UBQLN1: variants seen among roughly 807,000 people sequenced by gnomAD.
The protein encoded by UBQLN1 is ubiquilin 1, also known as ubiquilin-1.
UBQLN1 carries 13 observed loss-of-function variants against 65.4 expected under a neutral mutation model. The observed-to-expected ratio is 0.20, with a 90% CI of 0.13 to 0.32. The LOEUF (loss-of-function observed/expected upper bound fraction) is 0.32, where lower values mean the gene tolerates loss of function less well. UBQLN1 is among the 10% of genes least tolerant of loss of function. UBQLN1 has a pLI of 1.00. For missense variants in UBQLN1, 561 were observed against 724.0 expected (o/e 0.77, Z 2.58); for synonymous variants, 267 against 247.8 (o/e 1.08, Z -0.73).
At chr9:83,663,639 G>A (rs1308854938) in intron 10 of UBQLN1, among the ~76,000 whole-genome samples, 1 of 152,048 alleles carries the variant, frequency 6.6e-6, no homozygotes, top group African/African-American at 2.4e-5. Flanking sequence ...AAGACTTTAG[G>A]TTGTAGCATG....
chr9:83,668,283 TA>T, intron 7 of UBQLN1: 1 of 984,624 alleles, frequency 1.0e-6, no homozygotes, highest in Non-Finnish European at 1.2e-6. Context: ...TTTTAGAATT[TA>T]GAAAATAAAA....
At chr9:83,663,627 A>G (rs1484711731) in intron 10 of UBQLN1, among the ~76,000 whole-genome samples, 3 of 152,208 alleles carry the variant, frequency 2.0e-5, no homozygotes, top group African/African-American at 7.2e-5. Flanking sequence ...TTTCTAAAAA[A>G]TAAGACTTTA....
chr9:83,665,139 T>G lies in UBQLN1; in HGVS notation c.1339A>C (p.Asn447His). ...QLPTFLQQMQ[N>H]PDTLSAMSNP... ...GACATTGCTGATAGTGTATCAGGAT[T>G]CTGCATCTAAGGAAGAAAGAAAACT... The change falls in exon 9 of 11, where the codon AAT (asparagine) becomes CAT (histidine). Residue 447 changes from asparagine to histidine, a missense_variant. Coordinates refer to ENST00000376395, the MANE Select transcript of UBQLN1 (RefSeq NM_013438.5). The G allele has an allele frequency of 6.2e-7, 1 of 1,603,276 alleles. No individual in the cohort carries two copies. Among genetic ancestry groups the G allele is most frequent in the Non-Finnish European group, 8.5e-7 (1 of 1,176,326 alleles).
chr9:83,678,664 T>C, intron 4 of UBQLN1, 65 bp from the exon 5 acceptor site: 1 of 1,490,440 alleles, frequency 6.7e-7, no homozygotes, highest in Non-Finnish European at 9.1e-7. Context: ...ATTACATTAA[T>C]TACTTTATTA....
chr9:83,707,732 A>T lies in UBQLN1; in HGVS notation c.-53T>A. The T allele has an allele frequency of 6.7e-7, 1 of 1,502,042 alleles. No homozygotes were observed. The highest frequency in any genetic ancestry group is 1.4e-5 in the African/African-American group (1 of 69,840). 93.0% of individuals were successfully genotyped at this position (1,502,042 alleles called of 1,614,324 possible). On this transcript the variant is annotated 5_prime_UTR_variant, in exon 1 of 11. Transcript: ENST00000376395. ...TCAGGCAAGCAGGAGGGAGCAGGCG[A>T]GCAAGGAGGAGCCAGCAGACACCAG...
intron 9 of UBQLN1, among the ~76,000 whole-genome samples, 195 bp from the exon 10 acceptor site, chr9:83,664,238 A>G (rs1164841907): frequency 6.6e-6 from 1 of 152,094 alleles, no homozygotes; most frequent in African/African-American, 2.4e-5. Flanking sequence ...AACATTGTTG[A>G]GACTTCATCT....
At chr9:83,688,305 C>T (rs1030000902) in intron 1 of UBQLN1, among the ~76,000 whole-genome samples, 3 of 152,078 alleles carry the variant, frequency 2.0e-5, no homozygotes, top group African/African-American at 7.2e-5. Flanking sequence ...TCTCCCTTCC[C>T]CTCACACTGA....
At chr9:83,692,029 T>C (rs1424058908) in intron 1 of UBQLN1, among the ~76,000 whole-genome samples, 1 of 152,204 alleles carries the variant, frequency 6.6e-6, no homozygotes, top group Non-Finnish European at 1.5e-5. Context: ...AATTGATTTG[T>C]TCTGAGTAAA....
At chr9:83,679,176 G>A (rs1055000063) in intron 4 of UBQLN1, among the ~76,000 whole-genome samples, 3 of 152,318 alleles carry the variant, frequency 2.0e-5, no homozygotes, top group South Asian at 4.1e-4. Context: ...CAGTCAACGT[G>A]AGTCACTGTA....
chr9:83,700,574 C>A (rs1381693728), intron 1 of UBQLN1, among the ~76,000 whole-genome samples: 1 of 152,116 alleles, frequency 6.6e-6, no homozygotes, highest in African/African-American at 2.4e-5. Flanking sequence ...AGAAATCCAA[C>A]AGGGGATCCC....
At chr9:83,696,065 C>T (rs1832210002) in intron 1 of UBQLN1, among the ~76,000 whole-genome samples, 1 of 152,158 alleles carries the variant, frequency 6.6e-6, no homozygotes, top group South Asian at 2.1e-4. Context: ...TCAGCCTCTC[C>T]AGTAGCTGGG....
chr9:83,664,023 G>A lies in UBQLN1; in HGVS notation c.1469C>T (p.Ala490Val), dbSNP rs750901797. Reference sequence around the variant, plus strand: ...CGAAGAGCCTCCAGTGCTTCCTAATGCCCCCAAGCCAGGAGTAAACCTACA... The same window carrying A: ...CGAAGAGCCTCCAGTGCTTCCTAATACCCCCAAGCCAGGAGTAAACCTACA... ...LIPGFTPGLG[A>V]LGSTGGSSGT... Residue 490 changes from alanine (A) to valine (V), a missense_variant, in exon 10 of 11, where the codon GCA becomes GTA. Transcript: ENST00000376395. 2 of 1,613,686 alleles carry A rather than the reference G, an allele frequency of 1.2e-6. No individual in the cohort carries two copies. Among genetic ancestry groups the A allele is most frequent in the Non-Finnish European group, 8.5e-7 (1 of 1,179,844 alleles).
chr9:83,700,461 TA>T (rs1468421611), intron 1 of UBQLN1, among the ~76,000 whole-genome samples: 1 of 152,220 alleles, frequency 6.6e-6, no homozygotes, highest in Non-Finnish European at 1.5e-5. Flanking sequence ...TAGGCTCTGG[TA>T]ACACAATGGT....
chr9:83,680,128 G>T, intron 3 of UBQLN1, 91 bp from the exon 4 acceptor site: 1 of 1,311,228 alleles, frequency 7.6e-7, no homozygotes, highest in Admixed American at 2.5e-5. Context: ...AAAAGTATTA[G>T]CTGACCCAAT....
Position 83,660,224 on chromosome 9 carries a change from C to T in UBQLN1, c.*1563G>A, listed in dbSNP as rs914802198. 2.6e-5 allele frequency: 4 copies of T among 152,592 alleles called. No homozygotes were observed. 9.5% of individuals were successfully genotyped at this position (152,592 alleles called of 1,614,324 possible). On this transcript the variant is annotated 3_prime_UTR_variant, in exon 11 of 11. Coordinates refer to ENST00000376395, the MANE Select transcript of UBQLN1 (RefSeq NM_013438.5). ...GTGCAAGGACTGGTGGGTAACCTGG[C>T]CTCTTAACCTTTTTAATAGCAAGCA... is the stretch of plus-strand genomic sequence containing the variant.
At position 83,707,608 on chromosome 9, in the gene UBQLN1, G is replaced by A. The variant is rs773702528; in HGVS notation, c.72C>T (p.Gly24=). Residue 24 remains glycine, a synonymous_variant, in exon 1 of 11, where the codon GGC becomes GGT. Transcript: ENST00000376395. ...CCGCGGAGGCAGCGGCCGCGGGGGCGCCAGCACCTTCGGCTCCGGCGGCGC... is the reference window on the plus strand; with the variant it reads ...CCGCGGAGGCAGCGGCCGCGGGGGCACCAGCACCTTCGGCTCCGGCGGCGC... ...QDSAAGAEGA[G]APAAAASAEP... 23 of 1,595,818 alleles carry A rather than the reference G, an allele frequency of 1.4e-5. No individual in the cohort carries two copies. The highest frequency in any genetic ancestry group is 1.9e-5 in the Non-Finnish European group (22 of 1,171,942).
At chr9:83,695,008 T>C (rs1832186069) in intron 1 of UBQLN1, among the ~76,000 whole-genome samples, 1 of 152,202 alleles carries the variant, frequency 6.6e-6, no homozygotes, top group South Asian at 2.1e-4. Flanking sequence ...TCTAATGAGC[T>C]AGTTCTATAT....
At position 83,682,289 on chromosome 9, in the gene UBQLN1, A is replaced by T. The variant is rs557868266; in HGVS notation, c.448+662T>A. Among the ~76,000 whole-genome samples the T allele has an allele frequency of 8.6e-3, 1,296 of 150,008 alleles. 12 individuals are homozygous for T. Among genetic ancestry groups the T allele is most frequent in the Admixed American group, 0.02 (306 of 15,062 alleles). Reference sequence around the variant, plus strand: ...GACAGAGCAAGACTCTGTCTCAAAAAATATATATATATATATTCCACAGAA... The same window carrying T: ...GACAGAGCAAGACTCTGTCTCAAAATATATATATATATATATTCCACAGAA... On this transcript the variant is annotated intron_variant, in intron 3 of 10. Transcript: ENST00000376395.
chr9:83,693,790 T>C (rs1832165904), intron 1 of UBQLN1, among the ~76,000 whole-genome samples: 1 of 152,172 alleles, frequency 6.6e-6, no homozygotes, highest in Non-Finnish European at 1.5e-5. Flanking sequence ...AAGAGTATTT[T>C]TGAAACATGT....
Sources: gnomAD v4.1 joint callset for allele counts (sites outside exome capture counted in the v4.1 genomes callset) on GRCh38, gnomAD v4.1.1 for gene constraint, MANE v1.5 for transcripts, NCBI Gene and HGNC (gene_info 2026-07-23, HGNC 2026-07-21) for gene names.